Variants in MICU2 observed in about 807,000 individuals in gnomAD.
MICU2 encodes the protein calcium uptake protein 2, mitochondrial.
In MICU2, 64 loss-of-function variants were observed where a neutral mutation model predicts 60.4. That is an observed-to-expected ratio of 1.06 (90% confidence interval 0.87 to 1.31). The LOEUF (loss-of-function observed/expected upper bound fraction) is 1.31. Among genes scored for constraint, MICU2 ranks in the 50% most tolerant of loss-of-function variants. The probability of loss-of-function intolerance (pLI) is 0.00; values close to 1 mark genes in which losing one functional copy is unlikely to be tolerated. For synonymous variants in MICU2, 201 were observed against 175.0 expected (o/e 1.15, Z -1.17); for missense variants, 569 against 531.0 (o/e 1.07, Z -0.70).
At chr13:21,524,805 T>G (rs905460900) in intron 4 of MICU2, among the ~76,000 whole-genome samples, 1 of 152,190 alleles carries the variant, frequency 6.6e-6, no homozygotes, top group African/African-American at 2.4e-5. Flanking sequence ...CCCTGCAACC[T>G]CTATTCCGCT....
chr13:21,496,457 G>A (rs940084586), intron 9 of MICU2: 6 of 312,240 alleles, frequency 1.9e-5, no homozygotes, highest in Non-Finnish European at 3.0e-5. Context: ...TATTGTTTAA[G>A]CTGCCCAGCC....
At chr13:21,555,252 A>T (rs1007544203) in intron 2 of MICU2, among the ~76,000 whole-genome samples, 5 of 152,242 alleles carry the variant, frequency 3.3e-5, no homozygotes, top group African/African-American at 1.2e-4. Context: ...CTTGATGAAC[A>T]CTGATGCAAA....
At chr13:21,594,454 T>C (rs896090037) in intron 1 of MICU2, among the ~76,000 whole-genome samples, 5 of 152,206 alleles carry the variant, frequency 3.3e-5, no homozygotes, top group Admixed American at 2.6e-4. Flanking sequence ...AGTTCAACTA[T>C]TGTGGAAGAC....
chr13:21,525,227 C>G (rs1307809959), intron 4 of MICU2, among the ~76,000 whole-genome samples: 1 of 109,194 alleles, frequency 9.2e-6, no homozygotes, highest in Non-Finnish European at 1.7e-5. Flanking sequence ...GAGTCTTGCT[C>G]TGTCGCCCAG....
At chr13:21,560,385 T>C (rs1887812183) in intron 2 of MICU2, among the ~76,000 whole-genome samples, 5 of 152,206 alleles carry the variant, frequency 3.3e-5, no homozygotes, top group Admixed American at 2.0e-4. Context: ...CACTGATTTA[T>C]AATGCCACCT....
At chr13:21,522,082 T>A (rs562919949) in intron 5 of MICU2, among the ~76,000 whole-genome samples, 79 of 152,376 alleles carry the variant, frequency 5.2e-4, no homozygotes, top group African/African-American at 1.9e-3. Flanking sequence ...ATAACCACAG[T>A]ACATTTATAA....
chr13:21,603,471 A>T (rs1000872040), intron 1 of MICU2: 3 of 164,970 alleles, frequency 1.8e-5, no homozygotes, highest in African/African-American at 7.2e-5. Flanking sequence ...CATGCTATAC[A>T]AAGAAAAGAT....
intron 1 of MICU2, among the ~76,000 whole-genome samples, chr13:21,581,013 C>T (rs9580162): frequency 0.17 from 25,636 of 152,114 alleles, 2,899 homozygotes; most frequent in Non-Finnish European, 0.26. Flanking sequence ...AGGCAAACAT[C>T]AACAATTACC....
At chr13:21,503,122 T>G (rs772422859) in intron 8 of MICU2, 25 bp from the exon 9 acceptor site, 3 of 1,539,500 alleles carry the variant, frequency 1.9e-6, no homozygotes, top group Non-Finnish European at 2.7e-6. Flanking sequence ...ACAAAATTAG[T>G]AAGGTAACTA....
At chr13:21,579,892 C>G (rs905257827) in intron 1 of MICU2, among the ~76,000 whole-genome samples, 1 of 152,114 alleles carries the variant, frequency 6.6e-6, no homozygotes, top group African/African-American at 2.4e-5. Flanking sequence ...AATTTCATTG[C>G]AGAATTTGCA....
At chr13:21,581,814 T>TA (rs1270528052) in intron 1 of MICU2, among the ~76,000 whole-genome samples, 1 of 152,164 alleles carries the variant, frequency 6.6e-6, no homozygotes, top group East Asian at 1.9e-4. Flanking sequence ...CCAGGTCGTC[T>TA]AAAAATGTCA....
At chr13:21,567,434 C>T (rs972092576) in intron 1 of MICU2, among the ~76,000 whole-genome samples, 1 of 152,032 alleles carries the variant, frequency 6.6e-6, no homozygotes, top group Non-Finnish European at 1.5e-5. Context: ...AGAAAGGCCA[C>T]GTTACCAGAG....
intron 4 of MICU2, 29 bp downstream of exon 4, chr13:21,539,273 C>G: frequency 6.3e-7 from 1 of 1,583,566 alleles, no homozygotes; most frequent in Non-Finnish European, 8.7e-7. Flanking sequence ...AAACACATAA[C>G]TAGAAATTTA....
chr13:21,528,637 T>C (rs1886914041), intron 4 of MICU2, among the ~76,000 whole-genome samples: 1 of 152,224 alleles, frequency 6.6e-6, no homozygotes, highest in South Asian at 2.1e-4. Flanking sequence ...ATTAAGCATA[T>C]ACCACATGCT....
intron 1 of MICU2, among the ~76,000 whole-genome samples, chr13:21,578,385 G>A (rs1888273906): frequency 6.6e-6 from 1 of 152,190 alleles, no homozygotes; most frequent in Non-Finnish European, 1.5e-5. Flanking sequence ...CCAGGAGTTT[G>A]AGACTAGTCT....
At chr13:21,589,675 CG>C (rs1484373893) in intron 1 of MICU2, among the ~76,000 whole-genome samples, 5 of 152,200 alleles carry the variant, frequency 3.3e-5, no homozygotes, top group Admixed American at 6.5e-5. Flanking sequence ...CTGACTCATT[CG>C]GATTACCTGC....
At chr13:21,564,061 G>A (rs944576293) in intron 2 of MICU2, among the ~76,000 whole-genome samples, 2 of 152,142 alleles carry the variant, frequency 1.3e-5, no homozygotes, top group South Asian at 2.1e-4. Flanking sequence ...CTCTGCTTAC[G>A]TTACTTTAAA....
Position 21,566,879 on chromosome 13 carries a change from C to A in MICU2, c.276G>T (p.Gln92His). 6.2e-7 allele frequency: 1 copy of A among 1,612,972 alleles called. No homozygotes were observed. Among genetic ancestry groups the A allele is most frequent in the Non-Finnish European group, 8.5e-7 (1 of 1,179,514 alleles). ...KPSLRKQRFM[Q>H]FSSLEHEGEY... is the part of the protein sequence containing the mutation. ...CTCCTTCATGTTCGAGTGAAGAAAA[C>A]TGCATGAAGCGCTGCTTACGAAGAG... Residue 92 changes from glutamine (Q) to histidine (H), a missense_variant, in exon 2 of 12, where the codon CAG (glutamine) becomes CAT (histidine). Coordinates refer to ENST00000382374, the MANE Select transcript of MICU2 (RefSeq NM_152726.3).
chr13:21,596,614 G>A (rs1292247633), intron 1 of MICU2, among the ~76,000 whole-genome samples: 1 of 151,966 alleles, frequency 6.6e-6, no homozygotes, highest in Non-Finnish European at 1.5e-5. Flanking sequence ...GGTAAAGATG[G>A]GGTTTCACCA....
Sources: allele counts gnomAD v4.1 joint callset (sites outside exome capture counted in the v4.1 genomes callset), GRCh38; gene constraint gnomAD v4.1.1; transcripts MANE v1.5; gene names NCBI Gene and HGNC (gene_info 2026-07-23, HGNC 2026-07-21).